Variants in ASTN1 observed in about 807,000 individuals in gnomAD.
ASTN1 encodes the protein astrotactin-1.
A neutral mutation model predicts 140.7 loss-of-function variants in ASTN1; 41 were observed. That is an observed-to-expected ratio of 0.29 (90% confidence interval 0.23 to 0.38). The LOEUF (loss-of-function observed/expected upper bound fraction) is 0.38, where lower values mean the gene tolerates loss of function less well. Ranked by LOEUF, ASTN1 falls within the 10% of genes least tolerant of loss-of-function variation. The pLI is 1.00. For missense variants in ASTN1, 1,479 were observed against 1,678.8 expected (o/e 0.88, Z 2.08); for synonymous variants, 640 against 652.2 (o/e 0.98, Z 0.29).
chr1:177,036,100 G>C (rs1676707292), intron 2 of ASTN1, among the ~76,000 whole-genome samples: 1 of 143,042 alleles, frequency 7.0e-6, no homozygotes, highest in Non-Finnish European at 1.5e-5. Context: ...GACTGGAGTG[G>C]AGTGCAATGG....
intron 8 of ASTN1, among the ~76,000 whole-genome samples, chr1:176,999,762 G>T (rs1218967981): frequency 1.3e-5 from 2 of 152,104 alleles, no homozygotes; most frequent in East Asian, 3.9e-4. Context: ...TCCCCATATT[G>T]TTCTCGGGAT....
intron 18 of ASTN1, among the ~76,000 whole-genome samples, chr1:176,887,454 C>T (rs1032247273): frequency 9.2e-5 from 14 of 152,202 alleles, no homozygotes; most frequent in African/African-American, 2.9e-4. Flanking sequence ...AATCAGTCAC[C>T]AAGCCCTGTT....
At chr1:177,101,951 C>T (rs1368146433) in intron 1 of ASTN1, among the ~76,000 whole-genome samples, 2 of 152,172 alleles carry the variant, frequency 1.3e-5, no homozygotes, top group African/African-American at 2.4e-5. Flanking sequence ...TGCCCCAAGG[C>T]AAGATTGGGT....
intron 21 of ASTN1, among the ~76,000 whole-genome samples, chr1:176,870,519 T>C (rs910251268): frequency 6.6e-6 from 1 of 152,234 alleles, no homozygotes; most frequent in Admixed American, 6.5e-5. Context: ...ATGCCCTTAC[T>C]ATCCTGAGTG....
rs573685877 is a variant in ASTN1, at chr1:176,950,869, A to G, written c.1888-1518T>C. On this transcript the variant is annotated intron_variant, in intron 11 of 22. Transcript: ENST00000361833. ...AAACTTTCTAAACTCAATGAAACAC[A>G]GTGTTAAACATCTCCCCTCCCTCCC... 9.3e-4 allele frequency among the ~76,000 whole-genome samples: 141 copies of G among 152,176 alleles called. 1 individual carries two copies. The highest frequency in any genetic ancestry group is 1.5e-3 in the Admixed American group (23 of 15,280).
intron 2 of ASTN1, among the ~76,000 whole-genome samples, chr1:177,038,326 G>C (rs1439824943): frequency 1.3e-5 from 2 of 152,190 alleles, no homozygotes; most frequent in Non-Finnish European, 2.9e-5. Context: ...TCATTTGCTA[G>C]ACTATAGGGG....
At chr1:176,889,020 C>A (rs928208616) in intron 17 of ASTN1, among the ~76,000 whole-genome samples, 3 of 152,208 alleles carry the variant, frequency 2.0e-5, no homozygotes, top group African/African-American at 7.2e-5. Context: ...TTATTATTGC[C>A]TTTGAATAAC....
chr1:177,094,316 T>C (rs1679918771), intron 1 of ASTN1, among the ~76,000 whole-genome samples: 1 of 152,170 alleles, frequency 6.6e-6, no homozygotes, highest in Non-Finnish European at 1.5e-5. Flanking sequence ...ATCCTGACTC[T>C]TAAAAAGAAA....
chr1:176,925,450 C>T (rs529788410), intron 16 of ASTN1, among the ~76,000 whole-genome samples: 1 of 152,300 alleles, frequency 6.6e-6, no homozygotes, highest in East Asian at 1.9e-4. Context: ...GAATTAGAAT[C>T]TCCATTTTAA....
intron 16 of ASTN1, among the ~76,000 whole-genome samples, chr1:176,909,919 C>T (rs746085065): frequency 6.6e-6 from 1 of 152,174 alleles, no homozygotes; most frequent in Non-Finnish European, 1.5e-5. Flanking sequence ...AGGCTTGTAG[C>T]GATATAGGAT....
intron 8 of ASTN1, among the ~76,000 whole-genome samples, chr1:176,994,039 G>T (rs908113867): frequency 9.3e-5 from 14 of 151,040 alleles, no homozygotes; most frequent in Non-Finnish European, 1.6e-4. Flanking sequence ...GTGTGTGAAT[G>T]TGGTGAATAG....
At position 177,164,528 on chromosome 1, in the gene ASTN1, T is replaced by A. The variant is rs1282528937; in HGVS notation, c.149A>T (p.Glu50Val). 2 of 1,613,720 alleles carry A rather than the reference T, an allele frequency of 1.2e-6. No homozygotes were observed. The highest frequency in any genetic ancestry group is 1.7e-6 in the Non-Finnish European group (2 of 1,179,942). Reference protein sequence around the residue: ...ITVSALPFLRENDLSIMHSPS... With the variant: ...ITVSALPFLRVNDLSIMHSPS... The stretch of plus-strand genomic sequence containing the variant: ...GCTGTGCATGATGCTCAGGTCGTTC[T>A]CGCGCAGGAAGGGCAGTGCCGACAC... The change falls in exon 1 of 23, where the codon GAG becomes GTG. Residue 50 changes from glutamate to valine, a missense_variant. Glu to Val is a moderately radical substitution (Grantham distance 121). Transcript: ENST00000361833.
At position 176,882,868 on chromosome 1, in the gene ASTN1, G is replaced by C. The variant is rs762910261; in HGVS notation, c.3353C>G (p.Thr1118Ser). 6.2e-7 allele frequency: 1 copy of C among 1,614,148 alleles called. No homozygotes were observed. The highest frequency in any genetic ancestry group is 8.5e-7 in the Non-Finnish European group (1 of 1,180,024). Residue 1118 changes from threonine (T) to serine (S), a missense_variant, in exon 20 of 23, where the codon ACC becomes AGC. Coordinates refer to ENST00000361833, the MANE Select transcript of ASTN1 (RefSeq NM_004319.3). ...SLIIRCLEPDTIYMFTLWGVD... is the reference protein window; with the variant it reads ...SLIIRCLEPDSIYMFTLWGVD... Reference sequence around the variant, plus strand: ...GGTGTGTGTTACTCACATGTAAATGGTGTCAGGTTCCAGGCATCGTATGAT... The same window carrying C: ...GGTGTGTGTTACTCACATGTAAATGCTGTCAGGTTCCAGGCATCGTATGAT...
chr1:177,007,470 T>G (rs960545530), intron 8 of ASTN1, among the ~76,000 whole-genome samples: 1 of 152,308 alleles, frequency 6.6e-6, no homozygotes, highest in Non-Finnish European at 1.5e-5. Flanking sequence ...TTATTTTCAT[T>G]GGAAAAAGTT....
chr1:177,007,431 C>A (rs1358003592), intron 8 of ASTN1, among the ~76,000 whole-genome samples: 1 of 152,090 alleles, frequency 6.6e-6, no homozygotes, highest in African/African-American at 2.4e-5. Context: ...TTTAAAGCTG[C>A]ACTCAGCCAC....
intron 1 of ASTN1, among the ~76,000 whole-genome samples, chr1:177,125,262 AG>A (rs1681587080): frequency 6.6e-6 from 1 of 152,224 alleles, no homozygotes; most frequent in African/African-American, 2.4e-5. Flanking sequence ...CAGAGAGAGA[AG>A]GCAATCCAAG....
intron 1 of ASTN1, among the ~76,000 whole-genome samples, chr1:177,075,363 C>CGCCCA (rs1188387733): frequency 6.6e-6 from 1 of 151,448 alleles, no homozygotes; most frequent in Non-Finnish European, 1.5e-5. Flanking sequence ...TGAGCCACTG[C>CGCCCA]GCCCAGCCAT....
chr1:177,093,619 T>C (rs771498863), intron 1 of ASTN1, among the ~76,000 whole-genome samples: 1 of 152,012 alleles, frequency 6.6e-6, no homozygotes, highest in African/African-American at 2.4e-5. Context: ...AAAGCAACAA[T>C]ACAAAATCAG....
At chr1:176,905,579 T>C (rs2205889) in intron 16 of ASTN1, among the ~76,000 whole-genome samples, 127,121 of 152,016 alleles carry the variant, frequency 0.84, 53,314 homozygotes, top group Middle Eastern at 0.95. Flanking sequence ...ACTTAAAGTC[T>C]GTTACCATTT....
Sources: allele counts gnomAD v4.1 joint callset (sites outside exome capture counted in the v4.1 genomes callset), GRCh38; gene constraint gnomAD v4.1.1; transcripts MANE v1.5; gene names NCBI Gene and HGNC (gene_info 2026-07-23, HGNC 2026-07-21).